Variants in VPS13B observed in about 807,000 individuals in gnomAD.
The protein encoded by VPS13B is intermembrane lipid transfer protein VPS13B.
A neutral mutation model predicts 426.4 loss-of-function variants in VPS13B; 285 were observed. The observed-to-expected ratio is 0.67, with a 90% confidence interval of 0.61 to 0.74. The LOEUF (loss-of-function observed/expected upper bound fraction) is 0.74. Ranked by LOEUF, VPS13B falls within the 30% of genes least tolerant of loss-of-function variation. The probability of loss-of-function intolerance (pLI) is 0.00; values close to 1 mark genes in which losing one functional copy is unlikely to be tolerated. For synonymous variants in VPS13B, 1,676 were observed against 1,676.4 expected (o/e 1.00, Z 0.01); for missense variants, 4,537 against 4,782.6 (o/e 0.95, Z 1.51).
intron 33 of VPS13B, among the ~76,000 whole-genome samples, chr8:99,585,084 C>T (rs1480619778): frequency 1.3e-5 from 2 of 152,002 alleles, no homozygotes; most frequent in Admixed American, 6.6e-5. Flanking sequence ...ATTAAATTTG[C>T]CATCAATAAA....
intron 19 of VPS13B, among the ~76,000 whole-genome samples, chr8:99,380,915 G>C (rs1813763162): frequency 6.8e-6 from 1 of 146,318 alleles, no homozygotes; most frequent in Non-Finnish European, 1.5e-5. Context: ...TTTATTTTAG[G>C]TTCAGGGATA....
At chr8:99,536,747 C>T (rs16897440) in intron 30 of VPS13B, 97,099 of 532,414 alleles carry the variant, frequency 0.18, 11,382 homozygotes, top group Admixed American at 0.4. Context: ...AAACGTATTC[C>T]CAGTCATTAA....
intron 3 of VPS13B, among the ~76,000 whole-genome samples, chr8:99,063,086 T>C (rs1205434971): frequency 6.6e-6 from 1 of 152,128 alleles, no homozygotes. Flanking sequence ...CACTTAACAA[T>C]CCATAAATTG....
intron 15 of VPS13B, among the ~76,000 whole-genome samples, chr8:99,161,329 T>C (rs1212954142): frequency 6.6e-5 from 10 of 152,202 alleles, no homozygotes; most frequent in Non-Finnish European, 1.5e-4. Context: ...TTGGTTAACA[T>C]GCAGTCAACA....
At chr8:99,515,490 A>G (rs1445524957) in intron 29 of VPS13B, among the ~76,000 whole-genome samples, 2 of 151,916 alleles carry the variant, frequency 1.3e-5, no homozygotes, top group African/African-American at 4.8e-5. Context: ...TTTTTAACAT[A>G]TAATTTCAGA....
chr8:99,388,610 T>TA (rs1814256594), intron 20 of VPS13B, among the ~76,000 whole-genome samples: 1 of 152,206 alleles, frequency 6.6e-6, no homozygotes, highest in African/African-American at 2.4e-5. Context: ...TTGTTAAAAA[T>TA]AAATACTACT....
At chr8:99,266,769 G>T (rs1818329243) in intron 17 of VPS13B, among the ~76,000 whole-genome samples, 1 of 152,062 alleles carries the variant, frequency 6.6e-6, no homozygotes, top group African/African-American at 2.4e-5. Flanking sequence ...TTCCCCCTTT[G>T]CTTAGCTCTT....
At chr8:99,650,900 T>C (rs183136137) in intron 34 of VPS13B, among the ~76,000 whole-genome samples, 4 of 152,256 alleles carry the variant, frequency 2.6e-5, no homozygotes, top group Admixed American at 1.3e-4. Context: ...ATGTACAGAC[T>C]TTTTTTCTTA....
chr8:99,710,439 G>T (rs1832664663), intron 36 of VPS13B, among the ~76,000 whole-genome samples: 1 of 151,964 alleles, frequency 6.6e-6, no homozygotes, highest in African/African-American at 2.4e-5. Context: ...TATTCTCTGT[G>T]GCCCTAGGTT....
At chr8:99,273,426 A>G (rs1305294913) in intron 17 of VPS13B, among the ~76,000 whole-genome samples, 4 of 151,912 alleles carry the variant, frequency 2.6e-5, no homozygotes, top group African/African-American at 9.7e-5. Flanking sequence ...TAGGCCTGCC[A>G]AAGTGCTGGG....
chr8:99,830,557 G>A (rs1295912288), intron 51 of VPS13B, among the ~76,000 whole-genome samples: 1 of 152,160 alleles, frequency 6.6e-6, no homozygotes, highest in African/African-American at 2.4e-5. Context: ...GGGATCCACT[G>A]AGTAAGACCA....
intron 8 of VPS13B, among the ~76,000 whole-genome samples, chr8:99,124,060 T>G (rs183896780): frequency 6.6e-6 from 1 of 152,124 alleles, no homozygotes; most frequent in Admixed American, 6.5e-5. Context: ...TCTGAGGCAC[T>G]GTGATGATAA....
Position 99,728,073 on chromosome 8 carries a change from G to T in VPS13B, c.7050+7026G>T, listed in dbSNP as rs141752387. Among the ~76,000 whole-genome samples, 776 of 152,310 alleles carry T rather than the reference G, an allele frequency of 5.1e-3. 5 individuals are homozygous for T. Among genetic ancestry groups the T allele is most frequent in the African/African-American group, 0.017 (719 of 41,558 alleles). ...TTGAGCCAACATCAGTATCCAGACT[G>T]CTTGGCAGTTATACATCTCATGGTA... On this transcript the variant is annotated intron_variant, in intron 39 of 61. Coordinates refer to ENST00000357162, the MANE Select transcript of VPS13B (RefSeq NM_152564.5).
intron 17 of VPS13B, among the ~76,000 whole-genome samples, chr8:99,236,802 G>C (rs1056960424): frequency 6.6e-6 from 1 of 152,226 alleles, no homozygotes; most frequent in African/African-American, 2.4e-5. Context: ...CTCACGTGAT[G>C]TGTATAGTGT....
intron 19 of VPS13B, among the ~76,000 whole-genome samples, chr8:99,298,042 A>G (rs978121749): frequency 6.6e-6 from 1 of 152,198 alleles, no homozygotes; most frequent in African/African-American, 2.4e-5. Context: ...TATTAAAGGC[A>G]TGTTTTGGTG....
At chr8:99,053,952 C>G (rs1261185305) in intron 3 of VPS13B, among the ~76,000 whole-genome samples, 1 of 152,234 alleles carries the variant, frequency 6.6e-6, no homozygotes, top group African/African-American at 2.4e-5. Context: ...GATCCTCCTG[C>G]CTCGGCCTCC....
chr8:99,124,084 T>C (rs957149239), intron 8 of VPS13B, among the ~76,000 whole-genome samples: 5 of 152,024 alleles, frequency 3.3e-5, no homozygotes, highest in African/African-American at 1.2e-4. Flanking sequence ...ATTGGAAAGA[T>C]GAGGAAGAAA....
chr8:99,598,533 C>T (rs1189557828), intron 33 of VPS13B, among the ~76,000 whole-genome samples: 25 of 151,996 alleles, frequency 1.6e-4, no homozygotes, highest in Admixed American at 1.6e-3. Flanking sequence ...TAAAGACTAA[C>T]ACATGCTCAT....
rs1820042425 is a variant in VPS13B, at chr8:99,481,599, G to A, written c.3667G>A (p.Val1223Ile). ...CTTTTCTTTTTTCTTATGCTCTCAG[G>A]TCCAGCTCTTCTATGAACTAACTGA... ...SLEIKCSNPQ[V>I]QLFYELTDIM... is the part of the protein sequence containing the mutation. Residue 1223 changes from valine to isoleucine, a missense_variant and splice_region_variant, in exon 25 of 62, where the codon GTC (valine) becomes ATC (isoleucine). By Grantham distance (29) the Val-to-Ile change is conservative (BLOSUM62 3). Coordinates refer to ENST00000357162, the MANE Select transcript of VPS13B (RefSeq NM_152564.5). 10 of 1,613,376 alleles carry A rather than the reference G, an allele frequency of 6.2e-6. No homozygotes were observed. Among genetic ancestry groups the A allele is most frequent in the Non-Finnish European group, 7.6e-6 (9 of 1,179,762 alleles).
Sources: allele counts gnomAD v4.1 joint callset (sites outside exome capture counted in the v4.1 genomes callset), GRCh38; gene constraint gnomAD v4.1.1; transcripts MANE v1.5; gene names NCBI Gene and HGNC (gene_info 2026-07-23, HGNC 2026-07-21).